MARCHF5: variants seen among roughly 807,000 people sequenced by gnomAD.
The protein encoded by MARCHF5 is E3 ubiquitin-protein ligase MARCHF5.
A neutral mutation model predicts 36.5 loss-of-function variants in MARCHF5; 5 were observed. The observed-to-expected ratio is 0.14, with a 90% CI of 0.07 to 0.29. The LOEUF is 0.29. MARCHF5 is among the 10% of genes least tolerant of loss of function. The pLI is 1.00. For missense variants in MARCHF5, 179 were observed against 336.3 expected (o/e 0.53, Z 3.66); for synonymous variants, 103 against 109.9 (o/e 0.94, Z 0.39).
chr10:92,353,370 G>A lies in MARCHF5; in HGVS notation c.*2163G>A, dbSNP rs1333927536. ...ATAGTTCAGCTTTCAATAACTGTAT[G>A]TATGATTTTGGCTAAAGGATTTGAC... On this transcript the variant is annotated 3_prime_UTR_variant, in exon 6 of 6. Coordinates refer to ENST00000358935, the MANE Select transcript of MARCHF5 (RefSeq NM_017824.5). 6.6e-6 allele frequency: 1 copy of A among 152,148 alleles called. No individual in the cohort carries two copies. The highest frequency in any genetic ancestry group is 1.5e-5 in the Non-Finnish European group (1 of 68,026). The allele number at this position is 152,148 out of a possible 1,614,324, so 9.4% of individuals were successfully genotyped here. A position where few individuals can be genotyped will look rare whatever the true frequency, so the allele number is the denominator to read the frequency against.
intron 1 of MARCHF5, among the ~76,000 whole-genome samples, chr10:92,294,404 T>C (rs1590641368): frequency 6.6e-6 from 1 of 152,208 alleles, no homozygotes; most frequent in Admixed American, 6.5e-5. Flanking sequence ...TTAAGACTAA[T>C]GTAAACCAGT....
At chr10:92,311,832 A>C (rs1843148551) in intron 2 of MARCHF5, among the ~76,000 whole-genome samples, 1 of 152,188 alleles carries the variant, frequency 6.6e-6, no homozygotes, top group East Asian at 1.9e-4. Flanking sequence ...GAACCCTGCT[A>C]TCCCTTTTCT....
At chr10:92,311,099 G>A (rs1843139830) in intron 1 of MARCHF5, 36 bp from the exon 2 acceptor site, 1 of 1,556,250 alleles carries the variant, frequency 6.4e-7, no homozygotes, top group Admixed American at 1.7e-5. Flanking sequence ...GAGTCCTAAA[G>A]ATATAAATGT....
chr10:92,302,277 TG>T (rs1462611413), intron 1 of MARCHF5, among the ~76,000 whole-genome samples: 2 of 152,158 alleles, frequency 1.3e-5, no homozygotes, highest in African/African-American at 2.4e-5. Context: ...GTGTCATGAT[TG>T]TGGTTATATG....
At chr10:92,335,219 G>A (rs550949908) in intron 2 of MARCHF5, among the ~76,000 whole-genome samples, 7 of 152,256 alleles carry the variant, frequency 4.6e-5, no homozygotes, top group Admixed American at 2.6e-4. Flanking sequence ...TTTTTGTGGT[G>A]TAATCTGACA....
chr10:92,331,251 G>C (rs1843432625), intron 2 of MARCHF5, among the ~76,000 whole-genome samples: 1 of 151,936 alleles, frequency 6.6e-6, no homozygotes, highest in Non-Finnish European at 1.5e-5. Context: ...CAGTTAGAAG[G>C]CTCTTCTTAG....
intron 1 of MARCHF5, among the ~76,000 whole-genome samples, chr10:92,295,512 A>G (rs1381941609): frequency 1.4e-5 from 2 of 146,402 alleles, no homozygotes; most frequent in African/African-American, 2.5e-5. Context: ...GGTTCACGCC[A>G]TTCTCCTGCC....
chr10:92,311,457 T>C, intron 2 of MARCHF5, 120 bp downstream of exon 2: 1 of 660,214 alleles, frequency 1.5e-6, no homozygotes, highest in Non-Finnish European at 2.5e-6. Flanking sequence ...ATTCCCTTTC[T>C]CTTGTTTCCT....
intron 3 of MARCHF5, among the ~76,000 whole-genome samples, chr10:92,345,067 C>T (rs1349150625): frequency 6.6e-6 from 1 of 152,020 alleles, no homozygotes; most frequent in Non-Finnish European, 1.5e-5. Context: ...ACAGTGGAAC[C>T]TTAATATGTT....
At chr10:92,346,964 T>C (rs1032885838) in intron 3 of MARCHF5, among the ~76,000 whole-genome samples, 2 of 152,212 alleles carry the variant, frequency 1.3e-5, no homozygotes, top group South Asian at 2.1e-4. Context: ...ATTCTGAATT[T>C]ATTTGCTAAC....
At chr10:92,294,254 A>G (rs1029646542) in intron 1 of MARCHF5, among the ~76,000 whole-genome samples, 1 of 152,218 alleles carries the variant, frequency 6.6e-6, no homozygotes, top group African/African-American at 2.4e-5. Flanking sequence ...CTTACTAGCT[A>G]TGTGACTTTG....
At chr10:92,332,137 G>A (rs1304644265) in intron 2 of MARCHF5, among the ~76,000 whole-genome samples, 1 of 150,578 alleles carries the variant, frequency 6.6e-6, no homozygotes, top group Non-Finnish European at 1.5e-5. Flanking sequence ...CCAGCACTTT[G>A]GGATGCCAGT....
At chr10:92,314,117 T>C (rs1343965242) in intron 2 of MARCHF5, among the ~76,000 whole-genome samples, 3 of 152,120 alleles carry the variant, frequency 2.0e-5, no homozygotes, top group African/African-American at 7.2e-5. Context: ...GAGGCTCAGC[T>C]GGGAGGATCA....
intron 1 of MARCHF5, among the ~76,000 whole-genome samples, chr10:92,306,945 C>T (rs559917404): frequency 6.6e-6 from 1 of 152,164 alleles, no homozygotes; most frequent in South Asian, 2.1e-4. Flanking sequence ...ACCCAGGAGG[C>T]AGAGGTTGCA....
At chr10:92,339,887 A>G (rs1328421613) in intron 2 of MARCHF5, among the ~76,000 whole-genome samples, 1 of 152,170 alleles carries the variant, frequency 6.6e-6, no homozygotes, top group Non-Finnish European at 1.5e-5. Context: ...AATAGAACAT[A>G]ATTGGTACAT....
intron 1 of MARCHF5, among the ~76,000 whole-genome samples, chr10:92,300,345 T>C (rs1347966627): frequency 6.7e-6 from 1 of 149,794 alleles, no homozygotes. Flanking sequence ...AAAGAAAAAA[T>C]AGCTGGGTGT....
chr10:92,311,934 A>G (rs1443599017), intron 2 of MARCHF5, among the ~76,000 whole-genome samples: 1 of 152,190 alleles, frequency 6.6e-6, no homozygotes, highest in Non-Finnish European at 1.5e-5. Context: ...GAAGCATTCT[A>G]AGGCTGCTTC....
chr10:92,338,555 TA>T (rs778565748), intron 2 of MARCHF5, among the ~76,000 whole-genome samples: 1 of 152,246 alleles, frequency 6.6e-6, no homozygotes, highest in Non-Finnish European at 1.5e-5. Flanking sequence ...AAATGTTATG[TA>T]AGTTAGAGCT....
At chr10:92,291,689 G>A (rs1012916016) in intron 1 of MARCHF5, 160 bp downstream of exon 1, 2 of 681,354 alleles carry the variant, frequency 2.9e-6, no homozygotes, top group African/African-American at 3.9e-5. Flanking sequence ...TCTAGACCTG[G>A]GGGAGGACAG....
Sources: gnomAD v4.1 joint callset for allele counts (sites outside exome capture counted in the v4.1 genomes callset) on GRCh38, gnomAD v4.1.1 for gene constraint, MANE v1.5 for transcripts, NCBI Gene and HGNC (gene_info 2026-07-23, HGNC 2026-07-21) for gene names.